Variants in GALNTL6 observed in about 807,000 individuals in gnomAD.
The protein encoded by GALNTL6 is polypeptide N-acetylgalactosaminyltransferase-like 6.
GALNTL6 carries 46 observed loss-of-function variants against 73.7 expected under a neutral mutation model. The observed-to-expected ratio is 0.62, with a 90% CI of 0.49 to 0.80. The LOEUF is 0.80. Ranked by LOEUF, GALNTL6 falls within the 30% of genes least tolerant of loss-of-function variation. The pLI is 0.00. For synonymous variants in GALNTL6, 259 were observed against 263.7 expected (o/e 0.98, Z 0.17); for missense variants, 604 against 755.0 (o/e 0.80, Z 2.34).
intron 2 of GALNTL6, among the ~76,000 whole-genome samples, chr4:171,823,519 G>A (rs774608760): frequency 3.3e-5 from 5 of 151,196 alleles, no homozygotes; most frequent in Admixed American, 6.6e-5. Flanking sequence ...ACTTTAGAGA[G>A]GTAATTAAAA....
At chr4:172,144,241 G>C (rs190761887) in intron 2 of GALNTL6, among the ~76,000 whole-genome samples, 22 of 152,270 alleles carry the variant, frequency 1.4e-4, no homozygotes, top group Admixed American at 6.5e-4. Flanking sequence ...GTGGCTGGAA[G>C]TATTCTGTCT....
At chr4:172,766,268 G>T (rs1738401051) in intron 5 of GALNTL6, among the ~76,000 whole-genome samples, 10 of 152,134 alleles carry the variant, frequency 6.6e-5, no homozygotes, top group Admixed American at 6.5e-4. Flanking sequence ...TAGGCAAAAA[G>T]AAAGTACTCA....
chr4:172,348,910 C>T (rs1344398519), intron 5 of GALNTL6, among the ~76,000 whole-genome samples: 6 of 152,158 alleles, frequency 3.9e-5, no homozygotes, highest in Non-Finnish European at 8.8e-5. Flanking sequence ...ATTTGCATTA[C>T]AATCTCTGTT....
intron 5 of GALNTL6, among the ~76,000 whole-genome samples, chr4:172,429,175 A>ATTTTATTTTATTTTATTTTATTTTATT (rs1554023237): frequency 7.5e-5 from 1 of 13,304 alleles, no homozygotes; most frequent in Non-Finnish European, 2.1e-4. Flanking sequence ...ATTTTGTTTT[A>ATTTTATTTTATTTTATTTTATTTTATT]TTATTTTATT....
intron 5 of GALNTL6, among the ~76,000 whole-genome samples, chr4:172,585,806 T>C (rs927652491): frequency 1.3e-5 from 2 of 151,868 alleles, no homozygotes; most frequent in Non-Finnish European, 2.9e-5. Flanking sequence ...TTAAACAAAT[T>C]TACAAGAAAA....
At chr4:172,575,559 G>T (rs112815095) in intron 5 of GALNTL6, among the ~76,000 whole-genome samples, 1 of 152,118 alleles carries the variant, frequency 6.6e-6, no homozygotes, top group East Asian at 1.9e-4. Context: ...TCAAATTCTC[G>T]CTGCCTCTGC....
At chr4:172,079,335 A>G (rs1731806353) in intron 2 of GALNTL6, among the ~76,000 whole-genome samples, 1 of 152,000 alleles carries the variant, frequency 6.6e-6, no homozygotes. Flanking sequence ...CTGGTGTGGC[A>G]TTTCATACTT....
chr4:172,833,475 C>G (rs1396251046), intron 7 of GALNTL6, among the ~76,000 whole-genome samples: 3 of 152,096 alleles, frequency 2.0e-5, no homozygotes, highest in African/African-American at 7.2e-5. Context: ...TGAAATCTGC[C>G]TACTTCACCC....
At chr4:172,370,147 G>C (rs1289620489) in intron 5 of GALNTL6, among the ~76,000 whole-genome samples, 3 of 152,178 alleles carry the variant, frequency 2.0e-5, no homozygotes, top group Non-Finnish European at 4.4e-5. Flanking sequence ...CTCCAGAGGA[G>C]AGCTCTCTAG....
chr4:172,140,781 T>C (rs112773542), intron 2 of GALNTL6, among the ~76,000 whole-genome samples: 5 of 152,124 alleles, frequency 3.3e-5, no homozygotes, highest in African/African-American at 1.2e-4. Flanking sequence ...GCAAAGACCA[T>C]AAGAGGTTAA....
chr4:172,204,324 A>G (rs1276257391), intron 2 of GALNTL6, among the ~76,000 whole-genome samples: 1 of 152,180 alleles, frequency 6.6e-6, no homozygotes, highest in African/African-American at 2.4e-5. Context: ...GCATTGTGAC[A>G]GTGTAAGTCT....
chr4:172,158,028 T>C (rs1004153791), intron 2 of GALNTL6, among the ~76,000 whole-genome samples: 3 of 152,180 alleles, frequency 2.0e-5, no homozygotes, highest in Non-Finnish European at 4.4e-5. Flanking sequence ...TCTTGGCCAT[T>C]TGTGGCAACC....
At position 172,758,931 on chromosome 4, in the gene GALNTL6, G is replaced by A. The variant is rs144749208; in HGVS notation, c.554-50430G>A. On this transcript the variant is annotated intron_variant, in intron 5 of 12. Transcript: ENST00000506823. The stretch of plus-strand genomic sequence containing the variant: ...GAGGACAATAAAAGTCCCAAGGGGG[G>A]ACTATTGTAGTACAATGCATTTTAT... 4.4e-3 allele frequency among the ~76,000 whole-genome samples: 674 copies of A among 152,296 alleles called. 5 individuals are homozygous for A. Among genetic ancestry groups the A allele is most frequent in the African/African-American group, 0.015 (644 of 41,554 alleles).
chr4:172,075,480 G>T (rs536567346), intron 2 of GALNTL6, among the ~76,000 whole-genome samples: 1 of 152,050 alleles, frequency 6.6e-6, no homozygotes, highest in Admixed American at 6.5e-5. Flanking sequence ...GACTACAGGC[G>T]CCTGCCACCA....
chr4:172,626,234 A>T (rs1041931395), intron 5 of GALNTL6, among the ~76,000 whole-genome samples: 16 of 152,118 alleles, frequency 1.1e-4, no homozygotes. Flanking sequence ...TCTACTGCAT[A>T]TGGCTAGCCA....
At chr4:171,866,746 C>T (rs561533004) in intron 2 of GALNTL6, among the ~76,000 whole-genome samples, 31 of 152,238 alleles carry the variant, frequency 2.0e-4, no homozygotes, top group African/African-American at 5.8e-4. Flanking sequence ...TGACTTCAGT[C>T]TGTTGTGTCC....
intron 5 of GALNTL6, among the ~76,000 whole-genome samples, chr4:172,554,337 G>A (rs778650925): frequency 2.0e-5 from 3 of 152,076 alleles, no homozygotes; most frequent in Non-Finnish European, 4.4e-5. Context: ...CTTTATAAGT[G>A]GACATTGGTT....
intron 5 of GALNTL6, among the ~76,000 whole-genome samples, chr4:172,502,676 A>G (rs1734301495): frequency 6.6e-6 from 1 of 152,240 alleles, no homozygotes; most frequent in Non-Finnish European, 1.5e-5. Context: ...AGTTAGTTTA[A>G]TAAGGCAAAA....
At chr4:172,150,834 T>C (rs559888329) in intron 2 of GALNTL6, among the ~76,000 whole-genome samples, 47 of 152,188 alleles carry the variant, frequency 3.1e-4, no homozygotes, top group Non-Finnish European at 6.0e-4. Flanking sequence ...AATAATGTCT[T>C]ATAGTACAAT....
Sources: gnomAD v4.1 joint callset for allele counts (sites outside exome capture counted in the v4.1 genomes callset) on GRCh38, gnomAD v4.1.1 for gene constraint, MANE v1.5 for transcripts, NCBI Gene and HGNC (gene_info 2026-07-23, HGNC 2026-07-21) for gene names.